Variants in BNC2 observed in about 807,000 individuals in gnomAD.
BNC2 encodes basonuclin zinc finger protein 2, also known as zinc finger protein basonuclin-2.
BNC2 carries 20 observed loss-of-function variants against 76.3 expected under a neutral mutation model. The observed-to-expected ratio is 0.26, with a 90% CI of 0.18 to 0.38. The LOEUF (loss-of-function observed/expected upper bound fraction) is 0.38, where lower values mean the gene tolerates loss of function less well. Ranked by LOEUF, BNC2 falls within the 10% of genes least tolerant of loss-of-function variation. The pLI is 1.00. For missense variants in BNC2, 1,382 were observed against 1,399.8 expected (o/e 0.99, Z 0.20); for synonymous variants, 582 against 514.8 (o/e 1.13, Z -1.77).
intron 1 of BNC2, among the ~76,000 whole-genome samples, chr9:16,834,552 A>G (rs1040054767): frequency 2.6e-5 from 4 of 152,200 alleles, no homozygotes; most frequent in African/African-American, 9.7e-5. Context: ...CTTCTGTAGA[A>G]AGAAGAAAAC....
intron 1 of BNC2, among the ~76,000 whole-genome samples, chr9:16,797,355 G>T (rs1358873887): frequency 6.6e-6 from 1 of 152,104 alleles, no homozygotes; most frequent in Non-Finnish European, 1.5e-5. Flanking sequence ...TAGATTAAAT[G>T]AGCTCCTCTG....
At chr9:16,628,482 A>G (rs1821063202) in intron 3 of BNC2, among the ~76,000 whole-genome samples, 1 of 152,162 alleles carries the variant, frequency 6.6e-6, no homozygotes, top group South Asian at 2.1e-4. Flanking sequence ...AGCCTTCCAC[A>G]TGCATCTTTT....
At chr9:16,610,994 G>C (rs1316530244) in intron 3 of BNC2, among the ~76,000 whole-genome samples, 1 of 151,996 alleles carries the variant, frequency 6.6e-6, no homozygotes, top group African/African-American at 2.4e-5. Flanking sequence ...CTTGGTTTTA[G>C]CATGAAAACA....
chr9:16,658,083 A>G (rs1225047522), intron 3 of BNC2, among the ~76,000 whole-genome samples: 1 of 152,238 alleles, frequency 6.6e-6, no homozygotes, highest in East Asian at 1.9e-4. Flanking sequence ...AGGTAGAAGG[A>G]GATCCTAATT....
At chr9:16,561,692 T>G (rs1587173642) in intron 4 of BNC2, among the ~76,000 whole-genome samples, 1 of 152,170 alleles carries the variant, frequency 6.6e-6, no homozygotes, top group African/African-American at 2.4e-5. Context: ...CTAAAATAAT[T>G]CACAATTTGA....
Position 16,435,732 on chromosome 9 carries a change from G to A in BNC2, c.2462C>T (p.Ser821Phe). The stretch of plus-strand genomic sequence containing the variant: ...GCTAGAACATAGGTCACCTTCTGGG[G>A]AGAACTTTTGAGGGCTGCCATAATT... ...SLNYGSPQKF[S>F]PEGDLCSSPD... The change falls in exon 6 of 7, where the codon TCC becomes TTC. Residue 821 changes from serine (S) to phenylalanine (F), a missense_variant. Transcript: ENST00000380672. 1.2e-6 allele frequency: 2 copies of A among 1,614,048 alleles called. No homozygotes were observed. Among genetic ancestry groups the A allele is most frequent in the Non-Finnish European group, 1.7e-6 (2 of 1,180,012 alleles).
rs539165980 is a variant in BNC2, at chr9:16,681,745, T to C, written c.330+46052A>G. Among the ~76,000 whole-genome samples, 12 of 152,322 alleles carry C rather than the reference T, an allele frequency of 7.9e-5. No homozygotes were observed. The South Asian group carries it at 1.5e-3, about 18-fold the overall frequency. ...TGACTTGTTAAAGCTGCAGTGTATGTACATTTTTCAAATAAACCGCAGGGC... is the reference window on the plus strand; with the variant it reads ...TGACTTGTTAAAGCTGCAGTGTATGCACATTTTTCAAATAAACCGCAGGGC... On this transcript the variant is annotated intron_variant, in intron 3 of 6. Transcript: ENST00000380672.
chr9:16,582,872 G>A (rs1429577980), intron 4 of BNC2, 111 bp downstream of exon 4: 4 of 851,066 alleles, frequency 4.7e-6, no homozygotes, highest in Non-Finnish European at 7.8e-6. Flanking sequence ...TCTTCTCCAG[G>A]CCAGTGACTC....
intron 3 of BNC2, among the ~76,000 whole-genome samples, chr9:16,601,068 G>A (rs1820231208): frequency 6.6e-6 from 1 of 152,106 alleles, no homozygotes; most frequent in Non-Finnish European, 1.5e-5. Context: ...CACGTGCTGC[G>A]AAAACAAGGT....
At chr9:16,842,451 G>C (rs529690587) in intron 1 of BNC2, among the ~76,000 whole-genome samples, 1 of 152,116 alleles carries the variant, frequency 6.6e-6, no homozygotes, top group East Asian at 1.9e-4. Context: ...GAAAACAGTG[G>C]GTCAAAAAGT....
intron 5 of BNC2, among the ~76,000 whole-genome samples, chr9:16,488,402 C>G (rs1822209494): frequency 6.6e-6 from 1 of 152,150 alleles, no homozygotes; most frequent in Admixed American, 6.5e-5. Flanking sequence ...CCTATACTTA[C>G]ACTAATGGAA....
chr9:16,779,176 C>T (rs192986360), intron 1 of BNC2, among the ~76,000 whole-genome samples: 5 of 146,454 alleles, frequency 3.4e-5, no homozygotes, highest in Non-Finnish European at 7.5e-5. Flanking sequence ...TGGTGGCGTG[C>T]ACCTGTAATT....
At chr9:16,475,274 C>T (rs1326707596) in intron 5 of BNC2, among the ~76,000 whole-genome samples, 2 of 152,028 alleles carry the variant, frequency 1.3e-5, no homozygotes, top group Non-Finnish European at 2.9e-5. Flanking sequence ...TCTGTGTTCA[C>T]CTGTACACAT....
chr9:16,869,646 A>T (rs577664282), intron 1 of BNC2, among the ~76,000 whole-genome samples: 7 of 152,314 alleles, frequency 4.6e-5, no homozygotes, highest in Non-Finnish European at 1.0e-4. Flanking sequence ...AAGCAAACTA[A>T]AAAGAAGGGA....
chr9:16,500,665 G>T (rs939325658), intron 5 of BNC2, among the ~76,000 whole-genome samples: 1 of 152,062 alleles, frequency 6.6e-6, no homozygotes, highest in Non-Finnish European at 1.5e-5. Context: ...AGTTTTTCAG[G>T]GTGGATGGAG....
intron 1 of BNC2, among the ~76,000 whole-genome samples, chr9:16,745,216 C>T (rs1824966996): frequency 6.6e-6 from 1 of 152,102 alleles, no homozygotes; most frequent in South Asian, 2.1e-4. Flanking sequence ...TCAGTTGCTG[C>T]GTAGGTACGT....
At chr9:16,577,518 T>C (rs866477685) in intron 4 of BNC2, among the ~76,000 whole-genome samples, 17 of 152,136 alleles carry the variant, frequency 1.1e-4, no homozygotes, top group Admixed American at 7.2e-4. Flanking sequence ...GCACAATCCT[T>C]CATGTATGAG....
intron 3 of BNC2, among the ~76,000 whole-genome samples, chr9:16,722,838 C>G (rs1300996708): frequency 6.6e-6 from 1 of 152,170 alleles, no homozygotes; most frequent in Admixed American, 6.5e-5. Context: ...GAGACGGTAT[C>G]TCTTATGTGA....
intron 5 of BNC2, among the ~76,000 whole-genome samples, chr9:16,499,991 A>C (rs1288179911): frequency 6.6e-6 from 1 of 151,966 alleles, no homozygotes; most frequent in Non-Finnish European, 1.5e-5. Flanking sequence ...GTAATCCCAG[A>C]CTATGAAATG....
Sources: gnomAD v4.1 joint callset for allele counts (sites outside exome capture counted in the v4.1 genomes callset) on GRCh38, gnomAD v4.1.1 for gene constraint, MANE v1.5 for transcripts, NCBI Gene and HGNC (gene_info 2026-07-23, HGNC 2026-07-21) for gene names.